SLC22A24: variants seen among roughly 807,000 people sequenced by gnomAD.
The protein encoded by SLC22A24 is solute carrier family 22 member 24, also known as steroid transmembrane transporter SLC22A24.
In SLC22A24, 53 loss-of-function variants were observed where a neutral mutation model predicts 49.8. That is an observed-to-expected ratio of 1.06 (90% CI 0.85 to 1.34). SLC22A24 has a LOEUF of 1.34. Among genes scored for constraint, SLC22A24 ranks in the 40% most tolerant of loss-of-function variants. The pLI is 0.00. For synonymous variants in SLC22A24, 302 were observed against 256.4 expected (o/e 1.18, Z -1.70); for missense variants, 786 against 675.9 (o/e 1.16, Z -1.81).
At chr11:63,120,909 A>G (rs1261954889) in intron 2 of SLC22A24, among the ~76,000 whole-genome samples, 1 of 152,208 alleles carries the variant, frequency 6.6e-6, no homozygotes, top group Non-Finnish European at 1.5e-5. Context: ...AGAAGGAATC[A>G]TTGGAAAACT....
chr11:63,087,449 G>A (rs1565323018), intron 6 of SLC22A24, among the ~76,000 whole-genome samples: 3 of 152,184 alleles, frequency 2.0e-5, no homozygotes, highest in South Asian at 2.1e-4. Flanking sequence ...TCCCTCGTGT[G>A]CCTATACCAC....
At chr11:63,087,231 G>A (rs1017040275) in intron 6 of SLC22A24, among the ~76,000 whole-genome samples, 1 of 152,104 alleles carries the variant, frequency 6.6e-6, no homozygotes, top group Non-Finnish European at 1.5e-5. Context: ...TTCAACTGAG[G>A]CACCCAGTTC....
intron 6 of SLC22A24, among the ~76,000 whole-genome samples, chr11:63,087,528 A>AT (rs1283806826): frequency 6.6e-6 from 1 of 152,040 alleles, no homozygotes; most frequent in Non-Finnish European, 1.5e-5. Flanking sequence ...CTGCAGCAGT[A>AT]TTTTTTCATA....
At chr11:63,142,545 G>T (rs973152102) in intron 1 of SLC22A24, among the ~76,000 whole-genome samples, 1 of 152,070 alleles carries the variant, frequency 6.6e-6, no homozygotes, top group Admixed American at 6.6e-5. Flanking sequence ...TCTTGCCTGG[G>T]GACTAGATTA....
At chr11:63,132,941 G>A (rs893079234) in intron 2 of SLC22A24, among the ~76,000 whole-genome samples, 2 of 152,162 alleles carry the variant, frequency 1.3e-5, no homozygotes, top group African/African-American at 4.8e-5. Flanking sequence ...TAGTCCTTAC[G>A]GAGCTACGGT....
intron 5 of SLC22A24, among the ~76,000 whole-genome samples, chr11:63,100,024 G>A (rs2087081134): frequency 6.6e-6 from 1 of 152,076 alleles, no homozygotes; most frequent in Non-Finnish European, 1.5e-5. Context: ...AAAAGACAAG[G>A]ATGCTCATTT....
chr11:63,094,901 G>A (rs368893389), intron 6 of SLC22A24, among the ~76,000 whole-genome samples: 4 of 151,800 alleles, frequency 2.6e-5, no homozygotes, highest in South Asian at 2.1e-4. Flanking sequence ...AGATGAGTAG[G>A]TTGCAACAAT....
chr11:63,107,109 A>C (rs1241072287), intron 4 of SLC22A24, among the ~76,000 whole-genome samples: 1 of 152,166 alleles, frequency 6.6e-6, no homozygotes, highest in East Asian at 1.9e-4. Flanking sequence ...ATTTTTGTAT[A>C]AGGTGTAAGG....
chr11:63,119,151 G>A (rs989707532), intron 3 of SLC22A24, 30 bp downstream of exon 3: 1 of 1,529,308 alleles, frequency 6.5e-7, no homozygotes, highest in Non-Finnish European at 8.8e-7. Flanking sequence ...AAGACATGGA[G>A]ATGATAAAAT....
chr11:63,127,114 G>T (rs1195435709), intron 2 of SLC22A24, among the ~76,000 whole-genome samples: 2 of 152,134 alleles, frequency 1.3e-5, no homozygotes, highest in African/African-American at 4.8e-5. Flanking sequence ...TTCTCCTAAT[G>T]CTGTCACTGC....
rs193179908 is a variant in SLC22A24 at position 63,119,272 on chromosome 11, C to T, written c.570G>A (p.Ala190=). ...FLQLAISNTC[A]AFAPTFLVYC... ...AAACAAGGAAGGTGGGAGCGAAGGC[C>T]GCACAGGTGTTAGAGATGGCCAGCT... The change falls in exon 3 of 10, where the codon GCG becomes GCA. Residue 190 remains alanine (A), a synonymous_variant. Transcript: ENST00000612278. 6,120 of 1,551,416 alleles carry T rather than the reference C, an allele frequency of 3.9e-3. 18 individuals carry two copies. The highest frequency in any genetic ancestry group is 5.0e-3 in the Non-Finnish European group (5,759 of 1,146,858).
At chr11:63,122,672 G>T (rs1052928589) in intron 2 of SLC22A24, among the ~76,000 whole-genome samples, 1 of 151,950 alleles carries the variant, frequency 6.6e-6, no homozygotes, top group Non-Finnish European at 1.5e-5. Context: ...CCATCACCAT[G>T]CCCAGCTAGT....
At chr11:63,114,631 G>A (rs1020212945) in intron 4 of SLC22A24, among the ~76,000 whole-genome samples, 3 of 152,198 alleles carry the variant, frequency 2.0e-5, no homozygotes. Flanking sequence ...TGGAGGAGAA[G>A]AGGCACTCTG....
At chr11:63,083,531 A>G in intron 6 of SLC22A24, 74 bp from the exon 7 acceptor site, 1 of 1,243,120 alleles carries the variant, frequency 8.0e-7, no homozygotes. Flanking sequence ...GAGATTTTGA[A>G]GGTAAGTCCT....
At chr11:63,100,565 G>C (rs2087084274) in intron 5 of SLC22A24, among the ~76,000 whole-genome samples, 3 of 151,998 alleles carry the variant, frequency 2.0e-5, no homozygotes, top group Non-Finnish European at 4.4e-5. Context: ...TAGTCTTAAT[G>C]TTTTAGTGGA....
At chr11:63,119,390 A>AACTT in intron 2 of SLC22A24, 55 bp from the exon 3 acceptor site, 1 of 1,430,500 alleles carries the variant, frequency 7.0e-7, no homozygotes, top group South Asian at 1.4e-5. Context: ...ACACGTGGAA[A>AACTT]ACTTGACAAA....
intron 6 of SLC22A24, among the ~76,000 whole-genome samples, chr11:63,090,092 A>AAC (rs2087010641): frequency 6.6e-6 from 1 of 150,740 alleles, no homozygotes; most frequent in Non-Finnish European, 1.5e-5. Flanking sequence ...AAAAAAAAAA[A>AAC]AAAAAAAAAA....
Position 63,113,069 on chromosome 11 carries a change from CATATATAT to C in SLC22A24, c.830+5835_830+5842del, listed in dbSNP as rs1231199722. On this transcript the variant is annotated intron_variant, in intron 4 of 9. Coordinates refer to ENST00000612278, the MANE Select transcript of SLC22A24 (RefSeq NM_001136506.2). ...ATATATATATACATATATATATATA[CATATATAT>C]ACACATATATATACATATATATATA... 2.8e-3 allele frequency among the ~76,000 whole-genome samples: 5 copies of C among 1,766 alleles called. 2 individuals are homozygous for C. The highest frequency in any genetic ancestry group is 3.2e-3 in the African/African-American group (5 of 1,552). 1.2% of individuals were successfully genotyped at this position (1,766 alleles called of 152,430 possible). A position where few individuals can be genotyped will look rare whatever the true frequency, so the allele number is the denominator to read the frequency against.
intron 2 of SLC22A24, among the ~76,000 whole-genome samples, chr11:63,127,234 C>G (rs959203163): frequency 6.6e-6 from 1 of 152,094 alleles, no homozygotes; most frequent in African/African-American, 2.4e-5. Flanking sequence ...TGGTGTTTGG[C>G]TTTCGGTCCT....
Sources: allele counts gnomAD v4.1 joint callset (sites outside exome capture counted in the v4.1 genomes callset), GRCh38; gene constraint gnomAD v4.1.1; transcripts MANE v1.5; gene names NCBI Gene and HGNC (gene_info 2026-07-23, HGNC 2026-07-21).